TRIO: variants seen among roughly 807,000 people sequenced by gnomAD.
TRIO encodes trio Rho guanine nucleotide exchange factor.
TRIO carries 58 observed loss-of-function variants against 351.9 expected under a neutral mutation model. That is an observed-to-expected ratio of 0.16 (90% CI 0.13 to 0.21). TRIO has a LOEUF of 0.21. Among genes scored for constraint, TRIO ranks in the 10% least tolerant of loss-of-function variants. The pLI is 1.00. For synonymous variants in TRIO, 1,758 were observed against 1,595.7 expected (o/e 1.10, Z -2.42); for missense variants, 3,201 against 4,027.8 (o/e 0.79, Z 5.56).
chr5:14,433,156 G>T (rs1751314167), intron 34 of TRIO, among the ~76,000 whole-genome samples: 1 of 152,152 alleles, frequency 6.6e-6, no homozygotes, highest in African/African-American at 2.4e-5. Context: ...TTGAATGTTT[G>T]GTTTGTTAAA....
chr5:14,385,276 C>T (rs1746443563), intron 21 of TRIO, among the ~76,000 whole-genome samples: 1 of 152,230 alleles, frequency 6.6e-6, no homozygotes, highest in African/African-American at 2.4e-5. Flanking sequence ...ACGTGTCTAA[C>T]CACCGTTCAT....
At chr5:14,339,728 A>G (rs1348339290) in intron 11 of TRIO, among the ~76,000 whole-genome samples, 1 of 152,152 alleles carries the variant, frequency 6.6e-6, no homozygotes, top group East Asian at 1.9e-4. Context: ...TTTCTTCAGT[A>G]GATTTGTCTT....
At chr5:14,378,177 C>T (rs955583695) in intron 20 of TRIO, 50 bp downstream of exon 20, 8 of 1,375,882 alleles carry the variant, frequency 5.8e-6, no homozygotes, top group Non-Finnish European at 8.1e-6. Context: ...CGTGCTCACA[C>T]CTGTCTCCAC....
At chr5:14,411,802 G>C (rs1386049684) in intron 33 of TRIO, among the ~76,000 whole-genome samples, 1 of 151,544 alleles carries the variant, frequency 6.6e-6, no homozygotes, top group Admixed American at 6.6e-5. Context: ...AGACAGTATC[G>C]AACTGTGTTT....
intron 1 of TRIO, among the ~76,000 whole-genome samples, chr5:14,197,414 G>C (rs1012635543): frequency 3.9e-5 from 6 of 152,212 alleles, no homozygotes; most frequent in Non-Finnish European, 8.8e-5. Context: ...AGGCTATCTT[G>C]TGGAGATGGG....
At chr5:14,448,665 G>A (rs936173396) in intron 34 of TRIO, among the ~76,000 whole-genome samples, 5 of 152,204 alleles carry the variant, frequency 3.3e-5, no homozygotes, top group African/African-American at 9.7e-5. Context: ...TGGACTGCGC[G>A]TTAGGAGCGG....
chr5:14,256,685 G>A (rs577417253), intron 1 of TRIO, among the ~76,000 whole-genome samples: 1 of 152,214 alleles, frequency 6.6e-6, no homozygotes, highest in Non-Finnish European at 1.5e-5. Flanking sequence ...ACCATAAAGT[G>A]AGTAATTGAA....
chr5:14,368,192 A>G (rs1049563393), intron 16 of TRIO, among the ~76,000 whole-genome samples: 1 of 152,226 alleles, frequency 6.6e-6, no homozygotes, highest in Non-Finnish European at 1.5e-5. Context: ...TCCAGAGAAC[A>G]CAGTTGTTTC....
chr5:14,395,902 C>T (rs547354527), intron 28 of TRIO, among the ~76,000 whole-genome samples: 6 of 151,992 alleles, frequency 3.9e-5, no homozygotes, highest in Admixed American at 2.0e-4. Flanking sequence ...AAATACTAGC[C>T]GGGCATGGTG....
intron 1 of TRIO, among the ~76,000 whole-genome samples, chr5:14,210,299 C>G (rs1791803124): frequency 6.6e-6 from 1 of 152,220 alleles, no homozygotes; most frequent in African/African-American, 2.4e-5. Flanking sequence ...TCTAGGGAAG[C>G]TTTGGCTTGT....
At chr5:14,245,418 T>C (rs1315269351) in intron 1 of TRIO, among the ~76,000 whole-genome samples, 1 of 152,096 alleles carries the variant, frequency 6.6e-6, no homozygotes, top group African/African-American at 2.4e-5. Flanking sequence ...TTCAGGGGAG[T>C]GCTTGCAGTT....
In TRIO at chr5:14,487,562, G is replaced by A. The variant is rs1756038938; in HGVS notation, c.6934G>A (p.Gly2312Arg). The A allele has an allele frequency of 9.0e-7, 1 of 1,110,706 alleles. No homozygotes were observed. Among genetic ancestry groups the A allele is most frequent in the Non-Finnish European group, 1.1e-6 (1 of 902,414 alleles). 68.8% of individuals were successfully genotyped at this position (1,110,706 alleles called of 1,614,324 possible). A position where few individuals can be genotyped will look rare whatever the true frequency, so the allele number is the denominator to read the frequency against. Reference sequence around the variant, plus strand: ...CGGGGGTGGGGGCAGCGGCGGCGGCGGGGCCCCCAGTGGCGGCAGCGGCCA... The same window carrying A: ...CGGGGGTGGGGGCAGCGGCGGCGGCAGGGCCCCCAGTGGCGGCAGCGGCCA... ...SGGGGGSGGG[G>R]APSGGSGHSG... The change falls in exon 48 of 57, where the codon GGG (glycine) becomes AGG (arginine). Residue 2312 changes from glycine to arginine, a missense_variant. Coordinates refer to ENST00000344204, the MANE Select transcript of TRIO (RefSeq NM_007118.4).
At chr5:14,379,397 A>G (rs1745867277) in intron 20 of TRIO, among the ~76,000 whole-genome samples, 2 of 152,204 alleles carry the variant, frequency 1.3e-5, no homozygotes, top group Non-Finnish European at 2.9e-5. Flanking sequence ...GTCTAGAAGG[A>G]CGCAGCCCAT....
chr5:14,478,294 T>G (rs1755242269), intron 41 of TRIO, among the ~76,000 whole-genome samples: 1 of 152,230 alleles, frequency 6.6e-6, no homozygotes, highest in South Asian at 2.1e-4. Flanking sequence ...CAGTTTTGTT[T>G]TGTTTTTTAC....
At chr5:14,177,445 G>A (rs1046443777) in intron 1 of TRIO, among the ~76,000 whole-genome samples, 2 of 152,108 alleles carry the variant, frequency 1.3e-5, no homozygotes, top group Admixed American at 6.5e-5. Context: ...GCTCTGAAAC[G>A]CACCATCCTA....
In TRIO at chr5:14,471,557, T is replaced by A. The variant is rs27091; in HGVS notation, c.5912+91T>A. On this transcript the variant is annotated intron_variant, in intron 38 of 56. Coordinates refer to ENST00000344204, the MANE Select transcript of TRIO (RefSeq NM_007118.4). ...AATGTGACTGAGATTCAGCTCTGAA[T>A]TACCGAGATGAGAAGCTCCAGGGCC... The A allele has an allele frequency of 0.6, 926,109 of 1,550,718 alleles. 282,623 individuals are homozygous for A. Among genetic ancestry groups the A allele is most frequent in the East Asian group, 0.82 (36,589 of 44,374 alleles).
At chr5:14,237,277 G>A (rs1198224414) in intron 1 of TRIO, among the ~76,000 whole-genome samples, 1 of 152,174 alleles carries the variant, frequency 6.6e-6, no homozygotes, top group Admixed American at 6.5e-5. Context: ...TAAGTGTCCT[G>A]TCGGCACTCA....
At position 14,440,291 on chromosome 5, in the gene TRIO, C is replaced by T. The variant is rs71614090; in HGVS notation, c.5203+20270C>T. 1.4e-3 allele frequency among the ~76,000 whole-genome samples: 206 copies of T among 152,274 alleles called. 1 individual carries two copies. The highest frequency in any genetic ancestry group is 2.2e-3 in the Non-Finnish European group (147 of 68,014). ...GTGGCGAATATTCCAGGTGACTTTT[C>T]GTCAGACCAAGGCAAGGGCATCCAG... On this transcript the variant is annotated intron_variant, in intron 34 of 56. Coordinates refer to ENST00000344204, the MANE Select transcript of TRIO (RefSeq NM_007118.4).
At chr5:14,501,594 G>A (rs935219788) in intron 53 of TRIO, among the ~76,000 whole-genome samples, 2 of 152,240 alleles carry the variant, frequency 1.3e-5, no homozygotes, top group African/African-American at 2.4e-5. Flanking sequence ...GTCAGGGAAG[G>A]CACATGGAGG....
Sources: allele counts gnomAD v4.1 joint callset (sites outside exome capture counted in the v4.1 genomes callset), GRCh38; gene constraint gnomAD v4.1.1; transcripts MANE v1.5; gene names NCBI Gene and HGNC (gene_info 2026-07-23, HGNC 2026-07-21).